Variants in TLE2 observed in about 807,000 individuals in gnomAD.
The protein encoded by TLE2 is TLE family member 2, transcriptional corepressor.
Under a neutral mutation model 97.2 loss-of-function variants are expected in TLE2, and 74 were observed. The observed-to-expected ratio is 0.76, with a 90% CI of 0.63 to 0.92. TLE2 has a LOEUF of 0.92. Ranked by LOEUF, TLE2 falls within the 40% of genes least tolerant of loss-of-function variation. The pLI is 0.00. For synonymous variants in TLE2, 499 were observed against 432.1 expected, an observed-to-expected ratio of 1.15 and a Z score of -1.92; for missense variants, 1,038 against 1,008.7, an observed-to-expected ratio of 1.03 and a Z score of -0.39.
chr19:3,019,515 C>CGGT lies in TLE2; in HGVS notation c.370-55_370-53dup, dbSNP rs1568244026. 1 of 1,480,722 alleles carries CGGT rather than the reference C, an allele frequency of 6.8e-7. No individual in the cohort carries two copies. Among genetic ancestry groups the CGGT allele is most frequent in the Non-Finnish European group, 8.9e-7 (1 of 1,118,412 alleles). 91.7% of individuals were successfully genotyped at this position (1,480,722 alleles called of 1,614,324 possible). On this transcript the variant is annotated intron_variant, in intron 6 of 19. Transcript: ENST00000262953. This position sits in a 1 kb window ranked among gnomAD's most constrained non-coding sequence, Gnocchi z 5.1. ...GGGGCGGGGGGCGGCAGGAGCCCAGCGGTCCCCAGCCCAAGAGGTAGACAC... is the reference window on the plus strand; with the variant it reads ...GGGGCGGGGGGCGGCAGGAGCCCAGCGGTGGTCCCCAGCCCAAGAGGTAGACAC...
chr19:3,016,461 G>A (rs2089707989), intron 8 of TLE2, among the ~76,000 whole-genome samples: 2 of 148,494 alleles, frequency 1.3e-5, no homozygotes. Context: ...ATGGTGGCGG[G>A]CACTTGTAGT....
chr19:3,006,499 G>A lies in TLE2; in HGVS notation c.1421C>T (p.Thr474Met), dbSNP rs1214216827. ...TISGSTQHVY[T>M]GGKGCVKVWD... ...CACCTTCACACAGCCCTTGCCGCCC[G>A]TGTACACATGCTGTGTGGAGCCGCT... is the stretch of plus-strand genomic sequence containing the variant. The change falls in exon 15 of 20, where the codon ACG becomes ATG. Residue 474 changes from threonine (T) to methionine (M), a missense_variant. Physicochemically the swap from Thr to Met is moderately conservative, Grantham distance 81. Coordinates refer to ENST00000262953, the MANE Select transcript of TLE2 (RefSeq NM_003260.5). 3.1e-6 allele frequency: 5 copies of A among 1,609,406 alleles called. No homozygotes were observed. The highest frequency in any genetic ancestry group is 1.1e-5 in the South Asian group (1 of 90,418).
chr19:3,007,963 TC>T lies in TLE2; in HGVS notation c.1250+905del, dbSNP rs919005568. On this transcript the variant is annotated intron_variant, in intron 14 of 19. Coordinates refer to ENST00000262953, the MANE Select transcript of TLE2 (RefSeq NM_003260.5). ...AGCCGGCGGTGGTCCGTGCCTGTAATCCCAGCTACTCAGGAGGCTGGAGCAG... is the reference window on the plus strand; with the variant it reads ...AGCCGGCGGTGGTCCGTGCCTGTAATCCAGCTACTCAGGAGGCTGGAGCAG... 2.7e-4 allele frequency among the ~76,000 whole-genome samples: 41 copies of T among 152,036 alleles called. 1 individual carries two copies. The highest frequency in any genetic ancestry group is 9.6e-4 in the African/African-American group (40 of 41,488).
chr19:2,998,201 G>C (rs1241550412), intron 19 of TLE2, among the ~76,000 whole-genome samples: 1 of 150,910 alleles, frequency 6.6e-6, no homozygotes, highest in Non-Finnish European at 1.5e-5. Context: ...CTCCCAAATA[G>C]CTGGGATTAT....
chr19:3,025,658 A>G (rs1882370288), intron 4 of TLE2: 2 of 967,180 alleles, frequency 2.1e-6, no homozygotes, highest in Non-Finnish European at 2.5e-6. Flanking sequence ...GGCTGAGCAG[A>G]CGAGAAGGCG....
chr19:3,011,426 G>T (rs965946133), intron 11 of TLE2, among the ~76,000 whole-genome samples: 9 of 151,898 alleles, frequency 5.9e-5, no homozygotes, highest in Admixed American at 5.3e-4. Context: ...CAGCTACTTG[G>T]GAGGCTGAGG....
chr19:3,029,034 G>C lies in TLE2; in HGVS notation c.-130C>G. ...AAGAGGGAGGAGGGAGAAGCGGCGC[G>C]GGGCAAGGGACCCTGGAGTCCCTGG... On this transcript the variant is annotated 5_prime_UTR_variant, in exon 1 of 20. Transcript: ENST00000262953. 1 of 1,480,758 alleles carries C rather than the reference G, an allele frequency of 6.8e-7. No homozygotes were observed. The highest frequency in any genetic ancestry group is 9.0e-7 in the Non-Finnish European group (1 of 1,116,690). 91.7% of individuals were successfully genotyped at this position (1,480,758 alleles called of 1,614,324 possible).
chr19:3,022,987 G>C (rs13346985), intron 5 of TLE2, among the ~76,000 whole-genome samples: 3,186 of 152,016 alleles, frequency 0.021, 124 homozygotes, highest in African/African-American at 0.072. Context: ...GCTGGCCCTC[G>C]AGCTGCAGTT....
At chr19:3,035,828 C>G (rs554019490) in intron 1 of TLE2, among the ~76,000 whole-genome samples, 1 of 152,300 alleles carries the variant, frequency 6.6e-6, no homozygotes, top group South Asian at 2.1e-4. Flanking sequence ...GTGTGGCCCC[C>G]CTCCCTAGGA....
rs763600128 is a variant in TLE2, at chr19:3,006,616, G to C, written c.1304C>G (p.Pro435Arg). ...ADGQMQPVPF[P>R]SDALVGAGIP... ...GCCCGCGCCTACCAGTGCATCCGAG[G>C]GGAAGGGAACCGGCTGCATCTGCCC... The change falls in exon 15 of 20, where the codon CCC (proline) becomes CGC (arginine). Residue 435 changes from proline (P) to arginine (R), a missense_variant. By Grantham distance (103) the Pro-to-Arg change is moderately radical. Transcript: ENST00000262953. The C allele has an allele frequency of 1.2e-6, 2 of 1,611,090 alleles. No homozygotes were observed. The highest frequency in any genetic ancestry group is 1.7e-6 in the Non-Finnish European group (2 of 1,178,760).
upstream of TLE2, among the ~76,000 whole-genome samples, chr19:3,034,214 C>T (rs987871861): frequency 1.3e-5 from 2 of 152,120 alleles, no homozygotes; most frequent in Middle Eastern, 3.4e-3. Context: ...CCGTTCTCCC[C>T]ACCCCAGCAG....
chr19:3,032,671 C>G (rs547105281), upstream of TLE2, among the ~76,000 whole-genome samples: 1 of 152,232 alleles, frequency 6.6e-6, no homozygotes, highest in South Asian at 2.1e-4. This position sits in a 1 kb window ranked among gnomAD's most constrained non-coding sequence, Gnocchi z 4.1. Flanking sequence ...ACAGTAAGTG[C>G]TCAATAACCA....
upstream of TLE2, chr19:3,029,557 G>T: frequency 1.2e-6 from 1 of 818,112 alleles, no homozygotes; most frequent in Non-Finnish European, 1.4e-6. Context: ...CACCGTGGGA[G>T]CGGGGGGGGG....
intron 7 of TLE2, among the ~76,000 whole-genome samples, chr19:3,018,936 A>C (rs2089777755): frequency 6.6e-6 from 1 of 151,616 alleles, no homozygotes. Flanking sequence ...ACTAATTTTT[A>C]AATTTTTCAT....
intron 1 of TLE2, among the ~76,000 whole-genome samples, chr19:3,039,901 G>A (rs1022521632): frequency 9.8e-5 from 15 of 152,298 alleles, no homozygotes; most frequent in Non-Finnish European, 2.9e-5. Context: ...CCGCCACTGC[G>A]TCACTGTGAT....
At chr19:3,017,966 C>T (rs999468557) in intron 7 of TLE2, 107 bp from the exon 8 acceptor site, 58 of 976,900 alleles carry the variant, frequency 5.9e-5, no homozygotes, top group Middle Eastern at 4.4e-4. Context: ...CCCCCGCCCC[C>T]ACCACCCCAC....
chr19:3,028,482 C>T (rs896394975), intron 2 of TLE2, 100 bp from the exon 3 acceptor site: 49 of 1,217,598 alleles, frequency 4.0e-5, no homozygotes, highest in Middle Eastern at 4.9e-4. Flanking sequence ...CCTTACAGAC[C>T]TCCCCCCACC....
chr19:3,006,026 G>A, intron 15 of TLE2, 58 bp from the exon 16 acceptor site: 3 of 1,592,138 alleles, frequency 1.9e-6, no homozygotes, highest in Non-Finnish European at 2.6e-6. Flanking sequence ...GTCTCTAGGA[G>A]CCTAGCTCAA....
At chr19:3,025,681 AG>A in intron 4 of TLE2, 1 of 755,104 alleles carries the variant, frequency 1.3e-6, no homozygotes, top group Non-Finnish European at 1.6e-6. Flanking sequence ...TGGGTGGGGA[AG>A]GGGGCGGGCA....
Sources: gnomAD v4.1 joint callset for allele counts (sites outside exome capture counted in the v4.1 genomes callset) on GRCh38, gnomAD v4.1.1 for gene constraint, Gnocchi (gnomAD v3.1) non-coding constraint, MANE v1.5 for transcripts, NCBI Gene and HGNC (gene_info 2026-07-23, HGNC 2026-07-21) for gene names.